Variants in SYTL2 observed in about 807,000 individuals in gnomAD.
SYTL2 encodes synaptotagmin-like protein 2.
Under a neutral mutation model 198.7 loss-of-function variants are expected in SYTL2, and 165 were observed. That is an observed-to-expected ratio of 0.83 (90% CI 0.73 to 0.94). The LOEUF is 0.94. Ranked by LOEUF, SYTL2 falls within the 40% of genes least tolerant of loss-of-function variation. The probability of loss-of-function intolerance (pLI) is 0.00; values close to 1 mark genes in which losing one functional copy is unlikely to be tolerated. For missense variants in SYTL2, 2,835 were observed against 2,582.8 expected, an observed-to-expected ratio of 1.10 and a Z score of -2.12; for synonymous variants, 966 against 917.7, an observed-to-expected ratio of 1.05 and a Z score of -0.95.
rs1167828166 is a variant in SYTL2, at chr11:85,726,665, T to C, written c.2693A>G (p.Asp898Gly). The C allele has an allele frequency of 2.0e-6, 3 of 1,536,538 alleles. No individual in the cohort carries two copies. The highest frequency in any genetic ancestry group is 2.6e-6 in the Non-Finnish European group (3 of 1,147,010). ...SRYYLSAEQS[D>G]KVSLFQNKKN... ...CTTATTCTGAAACAGAGACACTTTA[T>C]CTGATTGCTCAGCTGAAAGATAGTA... Residue 898 changes from aspartate (D) to glycine (G), a missense_variant, in exon 8 of 20, where the codon GAT becomes GGT. Physicochemically the swap from Asp to Gly is moderately conservative, Grantham distance 94. Coordinates refer to ENST00000359152, the MANE Select transcript of SYTL2 (RefSeq NM_206927.4).
intron 4 of SYTL2, among the ~76,000 whole-genome samples, chr11:85,738,602 T>C (rs928030248): frequency 6.6e-6 from 1 of 152,140 alleles, no homozygotes; most frequent in Non-Finnish European, 1.5e-5. Flanking sequence ...GTCACTGATA[T>C]AATTCAGTCT....
At chr11:85,800,264 A>G (rs1566038167) in intron 1 of SYTL2, among the ~76,000 whole-genome samples, 2 of 152,262 alleles carry the variant, frequency 1.3e-5, no homozygotes, top group South Asian at 4.2e-4. Flanking sequence ...AAGGTCTAGT[A>G]TTCCAAAACC....
At chr11:85,791,610 G>C (rs1042434331) in intron 1 of SYTL2, among the ~76,000 whole-genome samples, 1 of 152,150 alleles carries the variant, frequency 6.6e-6, no homozygotes, top group Non-Finnish European at 1.5e-5. Flanking sequence ...ACTGCCATCT[G>C]TTCCCTTTTG....
rs1346430994 is a variant in SYTL2, at chr11:85,726,734, T to C, written c.2624A>G (p.Asn875Ser). The C allele has an allele frequency of 2.3e-5, 35 of 1,536,036 alleles. No individual in the cohort carries two copies. The highest frequency in any genetic ancestry group is 2.9e-5 in the Non-Finnish European group (33 of 1,146,922). The change falls in exon 8 of 20, where the codon AAT becomes AGT. Residue 875 changes from asparagine (N) to serine (S), a missense_variant. Coordinates refer to ENST00000359152, the MANE Select transcript of SYTL2 (RefSeq NM_206927.4). The part of the protein sequence containing the change: ...ASQLSNSYSS[N>S]KSKETKPQIA... ...TTGTGGCTTGGTCTCTTTAGATTTA[T>C]TTGAGGAATAAGAATTGGAGAGCTG... is the stretch of plus-strand genomic sequence containing the variant.
rs183983993 is a variant in SYTL2, at chr11:85,695,175, G to T, written c.*20C>A. ...CACCGGTTTAGTAGTTTTCAGTGGA[G>T]GAGCCAGTGGAATTTGGGCTCATTT... On this transcript the variant is annotated 3_prime_UTR_variant, in exon 20 of 20. Transcript: ENST00000359152. The T allele has an allele frequency of 6.2e-7, 1 of 1,605,394 alleles. No homozygotes were observed. Among genetic ancestry groups the T allele is most frequent in the East Asian group, 2.2e-5 (1 of 44,760 alleles).
At chr11:85,761,442 C>T (rs2092093801) in intron 1 of SYTL2, among the ~76,000 whole-genome samples, 1 of 152,100 alleles carries the variant, frequency 6.6e-6, no homozygotes, top group Non-Finnish European at 1.5e-5. Context: ...TGCTGGTACA[C>T]CAGAATGCCC....
chr11:85,829,376 A>G, the SYTL2 span, among the ~76,000 whole-genome samples: 52 of 152,288 alleles, frequency 3.4e-4, no homozygotes, highest in African/African-American at 1.2e-3. Flanking sequence ...TGCAAAGGAC[A>G]TGATTTTGTT....
chr11:85,811,699 G>C (rs955498690), upstream of SYTL2, among the ~76,000 whole-genome samples: 1 of 152,222 alleles, frequency 6.6e-6, no homozygotes, highest in African/African-American at 2.4e-5. Flanking sequence ...CTAGAGAAAG[G>C]TGAGGGCGTC....
At chr11:85,784,367 T>C (rs954185622) in intron 1 of SYTL2, among the ~76,000 whole-genome samples, 1 of 134,500 alleles carries the variant, frequency 7.4e-6, no homozygotes, top group South Asian at 2.2e-4. Context: ...GCCACCAAAA[T>C]AGAAAAAAAA....
intron 8 of SYTL2, 105 bp downstream of exon 8, chr11:85,723,927 C>T: frequency 1.9e-6 from 1 of 535,624 alleles, no homozygotes; most frequent in Non-Finnish European, 3.1e-6. Flanking sequence ...AAGAATTTAA[C>T]ATCATTTAAG....
chr11:85,704,074 T>C (rs1424899838), intron 16 of SYTL2, among the ~76,000 whole-genome samples: 1 of 152,010 alleles, frequency 6.6e-6, no homozygotes, highest in Non-Finnish European at 1.5e-5. Flanking sequence ...TTATATTAAG[T>C]GCAAATGGAC....
At chr11:85,760,600 T>A (rs562072842) in intron 1 of SYTL2, among the ~76,000 whole-genome samples, 54 of 152,318 alleles carry the variant, frequency 3.5e-4, no homozygotes, top group Admixed American at 5.9e-4. Context: ...CAATGAGGTC[T>A]TACACTGCCA....
Position 85,709,392 on chromosome 11 carries a change from C to T in SYTL2, c.5854G>A (p.Val1952Ile), listed in dbSNP as rs1441573151. 1.9e-6 allele frequency: 3 copies of T among 1,614,066 alleles called. No individual in the cohort carries two copies. The highest frequency in any genetic ancestry group is 2.2e-5 in the East Asian group (1 of 44,890). ...AAGTCCTTACACTGGGCCACAAAAA[C>T]ATGCAACTCCTTCAGTGACTCCACA... ...EYVESLKELH[V>I]FVAQCKDLAA... The change falls in exon 14 of 20, where the codon GTT becomes ATT. Residue 1952 changes from valine (V) to isoleucine (I), a missense_variant. Val to Ile is a conservative substitution (Grantham distance 29). This residue lies in a region of SYTL2 where 2,645 missense variants were observed against 2,381.7 expected (regional missense o/e 1.11). Coordinates refer to ENST00000359152, the MANE Select transcript of SYTL2 (RefSeq NM_206927.4).
Position 85,724,061 on chromosome 11 carries a change from G to C in SYTL2, c.5297C>G (p.Ser1766Cys). Reference protein sequence around the residue: ...ESDFSDGNTSSNAESWRNPSS... With the variant: ...ESDFSDGNTSCNAESWRNPSS... ...AGGATTTCTCCAGCTCTCTGCATTA[G>C]AACTGGTGTTTCCATCTGAAAAATC... Residue 1766 changes from serine to cysteine, a missense_variant, in exon 8 of 20, where the codon TCT (serine) becomes TGT (cysteine). By Grantham distance (112) the Ser-to-Cys change is moderately radical. Transcript: ENST00000359152. 3 of 1,543,364 alleles carry C rather than the reference G, an allele frequency of 1.9e-6. No homozygotes were observed. The highest frequency in any genetic ancestry group is 2.6e-6 in the Non-Finnish European group (3 of 1,154,966).
Position 85,757,970 on chromosome 11 carries a change from T to C in SYTL2, c.-245A>G, listed in dbSNP as rs746225734. On this transcript the variant is annotated 5_prime_UTR_variant, in exon 2 of 20. Coordinates refer to ENST00000359152, the MANE Select transcript of SYTL2 (RefSeq NM_206927.4). ...TGTCGAGAAGAGGCTCTCAGAAGGA[T>C]GCTGTATTCCTTGCCAAACAGGTCG... 2.1e-6 allele frequency: 1 copy of C among 468,094 alleles called. No individual in the cohort carries two copies. Among genetic ancestry groups the C allele is most frequent in the African/African-American group, 1.9e-5 (1 of 51,382 alleles). The allele number at this position is 468,094 out of a possible 1,614,324, so 29.0% of individuals were successfully genotyped here. A position where few individuals can be genotyped will look rare whatever the true frequency, so the allele number is the denominator to read the frequency against.
At chr11:85,795,032 T>C (rs1437374094) in intron 1 of SYTL2, among the ~76,000 whole-genome samples, 1 of 152,016 alleles carries the variant, frequency 6.6e-6, no homozygotes, top group Non-Finnish European at 1.5e-5. Flanking sequence ...TGTGTGGCCT[T>C]GGGCAAGTTA....
chr11:85,828,374 T>C, the SYTL2 span, among the ~76,000 whole-genome samples: 2 of 152,256 alleles, frequency 1.3e-5, no homozygotes, highest in African/African-American at 4.8e-5. Flanking sequence ...CTTTAGATAG[T>C]ATTACTCAAA....
rs775271336 is a variant in SYTL2 at position 85,725,906 on chromosome 11, G to C, written c.3452C>G (p.Ser1151Cys). 20 of 1,613,920 alleles carry C rather than the reference G, an allele frequency of 1.2e-5. No homozygotes were observed. The highest frequency in any genetic ancestry group is 4.5e-5 in the East Asian group (2 of 44,904). Reference protein sequence around the residue: ...SETSTPAIQPSGGKVHGKQVL... With the variant: ...SETSTPAIQPCGGKVHGKQVL... ...TTGTTTTCCATGAACTTTTCCACCA[G>C]AGGGTTGAATTGCTGGTGTTGAGGT... The change falls in exon 8 of 20, where the codon TCT becomes TGT. Residue 1151 changes from serine (S) to cysteine (C), a missense_variant. Physicochemically the swap from Ser to Cys is moderately radical, Grantham distance 112. Transcript: ENST00000359152.
chr11:85,697,651 G>T (rs2153357543), intron 18 of SYTL2, among the ~76,000 whole-genome samples: 1 of 152,352 alleles, frequency 6.6e-6, no homozygotes, highest in Middle Eastern at 3.4e-3. Flanking sequence ...CCATAAAGGA[G>T]TCAAGGGGTG....
Sources: gnomAD v4.1 joint callset for allele counts (sites outside exome capture counted in the v4.1 genomes callset) on GRCh38, gnomAD v4.1.1 for gene constraint, gnomAD v4.1.1 regional missense constraint, MANE v1.5 for transcripts, NCBI Gene and HGNC (gene_info 2026-07-23, HGNC 2026-07-21) for gene names.